Variants in PHF24 observed in about 807,000 individuals in gnomAD.
PHF24 encodes PHD finger protein 24.
A neutral mutation model predicts 42.6 loss-of-function variants in PHF24; 25 were observed. That is an observed-to-expected ratio of 0.59 (90% CI 0.43 to 0.82). PHF24 has a LOEUF of 0.82. Ranked by LOEUF, PHF24 falls within the 40% of genes least tolerant of loss-of-function variation. The pLI, the probability that PHF24 is intolerant of heterozygous loss-of-function variation, is 0.00. For missense variants in PHF24, 470 were observed against 538.1 expected (o/e 0.87, Z 1.25); for synonymous variants, 185 against 204.8 (o/e 0.90, Z 0.83).
chr9:34,788,591 T>C, the PHF24 span, among the ~76,000 whole-genome samples: 1 of 152,210 alleles, frequency 6.6e-6, no homozygotes, highest in Admixed American at 6.5e-5. Flanking sequence ...ATGGCCATTG[T>C]ATTTACTGAT....
At chr9:34,887,334 T>A in the PHF24 span, among the ~76,000 whole-genome samples, 1 of 152,156 alleles carries the variant, frequency 6.6e-6, no homozygotes, top group Non-Finnish European at 1.5e-5. Context: ...AAGACATAAG[T>A]CAGATCTAAG....
chr9:34,950,650 A>G, the PHF24 span, among the ~76,000 whole-genome samples: 2 of 152,128 alleles, frequency 1.3e-5, no homozygotes, highest in Non-Finnish European at 2.9e-5. Context: ...TGTATTAAAA[A>G]CCACGAATTG....
chr9:34,806,032 G>GCA, the PHF24 span, among the ~76,000 whole-genome samples: 1 of 152,156 alleles, frequency 6.6e-6, no homozygotes, highest in Non-Finnish European at 1.5e-5. Context: ...GTCCATAGAT[G>GCA]TATGGGCTTA....
chr9:34,671,698 C>T, the PHF24 span, among the ~76,000 whole-genome samples: 2 of 152,170 alleles, frequency 1.3e-5, no homozygotes, highest in Non-Finnish European at 2.9e-5. Flanking sequence ...TTCTGCCAGA[C>T]CCAAGAGATA....
chr9:34,793,169 A>G, the PHF24 span, among the ~76,000 whole-genome samples: 1 of 152,060 alleles, frequency 6.6e-6, no homozygotes, highest in East Asian at 1.9e-4. Context: ...ATAGAACAAA[A>G]CTCAAAAATT....
At chr9:34,807,973 G>A in the PHF24 span, among the ~76,000 whole-genome samples, 1 of 152,046 alleles carries the variant, frequency 6.6e-6, no homozygotes, top group East Asian at 1.9e-4. Flanking sequence ...CACTTCATAT[G>A]AGTCCATGGA....
At chr9:34,915,956 T>C in the PHF24 span, among the ~76,000 whole-genome samples, 2 of 151,880 alleles carry the variant, frequency 1.3e-5, no homozygotes, top group African/African-American at 4.8e-5. Flanking sequence ...GTTCTCGTGG[T>C]AGTGACTGAG....
chr9:34,815,407 C>T, the PHF24 span, among the ~76,000 whole-genome samples: 38 of 152,274 alleles, frequency 2.5e-4, no homozygotes, highest in African/African-American at 8.7e-4. Context: ...ACTGCGAGCT[C>T]CGCCTCCTGG....
chr9:34,813,370 A>G, the PHF24 span, among the ~76,000 whole-genome samples: 1 of 152,186 alleles, frequency 6.6e-6, no homozygotes, highest in Non-Finnish European at 1.5e-5. Context: ...TATGTAACAA[A>G]TGACCTGAAA....
chr9:34,823,433 G>A, the PHF24 span, among the ~76,000 whole-genome samples: 1 of 152,096 alleles, frequency 6.6e-6, no homozygotes, highest in Non-Finnish European at 1.5e-5. Context: ...GAGGCCATTT[G>A]TTAGTGTCAG....
the PHF24 span, among the ~76,000 whole-genome samples, chr9:34,821,400 A>G: frequency 2.0e-5 from 3 of 152,184 alleles, no homozygotes; most frequent in East Asian, 3.9e-4. Flanking sequence ...GTCATTTTGG[A>G]CGAGTTGAAC....
the PHF24 span, among the ~76,000 whole-genome samples, chr9:34,883,350 C>T: frequency 1.3e-5 from 2 of 152,138 alleles, no homozygotes; most frequent in African/African-American, 4.8e-5. Context: ...CAACAAAAGC[C>T]AAAATTGACA....
chr9:34,887,863 C>T, the PHF24 span, among the ~76,000 whole-genome samples: 1 of 152,092 alleles, frequency 6.6e-6, no homozygotes, highest in Admixed American at 6.6e-5. Context: ...GCTGTATTCC[C>T]AGTGCCTATA....
the PHF24 span, among the ~76,000 whole-genome samples, chr9:34,875,946 ACACACT>A: frequency 6.7e-5 from 6 of 89,080 alleles, no homozygotes; most frequent in East Asian, 9.4e-4. Context: ...ACACACACAC[ACACACT>A]CTCTCTCTCT....
chr9:34,801,190 A>G, the PHF24 span, among the ~76,000 whole-genome samples: 2 of 152,190 alleles, frequency 1.3e-5, no homozygotes, highest in African/African-American at 4.8e-5. Context: ...GTAGAGAAAC[A>G]GGAACACTTT....
chr9:34,844,257 A>AT, the PHF24 span, among the ~76,000 whole-genome samples: 1 of 151,588 alleles, frequency 6.6e-6, no homozygotes, highest in Admixed American at 6.6e-5. Flanking sequence ...TTTTGTTCAT[A>AT]TTTTTTGTTG....
chr9:34,923,065 T>C, the PHF24 span: 1 of 434,242 alleles, frequency 2.3e-6, no homozygotes. Flanking sequence ...TTTTTTTTTT[T>C]AATCATGAAG....
chr9:34,705,554 T>C, the PHF24 span, among the ~76,000 whole-genome samples: 1 of 152,222 alleles, frequency 6.6e-6, no homozygotes, highest in African/African-American at 2.4e-5. Context: ...GTGTTGGGAT[T>C]ACAGGCGTAA....
chr9:34,830,185 C>T, the PHF24 span, among the ~76,000 whole-genome samples: 1 of 152,234 alleles, frequency 6.6e-6, no homozygotes, highest in Non-Finnish European at 1.5e-5. Context: ...ATTCTTGTGA[C>T]TTTGACTTTA....
Sources: allele counts gnomAD v4.1 joint callset (sites outside exome capture counted in the v4.1 genomes callset), GRCh38; gene constraint gnomAD v4.1.1; transcripts MANE v1.5; gene names NCBI Gene and HGNC (gene_info 2026-07-23, HGNC 2026-07-21).